PEBP4: variants seen among roughly 807,000 people sequenced by gnomAD.
PEBP4 encodes phosphatidylethanolamine-binding protein 4.
A neutral mutation model predicts 23.9 loss-of-function variants in PEBP4; 22 were observed. The observed-to-expected ratio is 0.92, with a 90% CI of 0.66 to 1.31. PEBP4 has a LOEUF of 1.31. Among genes scored for constraint, PEBP4 ranks in the 40% most tolerant of loss-of-function variants. The probability of loss-of-function intolerance (pLI) is 0.00; values close to 1 mark genes in which losing one functional copy is unlikely to be tolerated. For synonymous variants in PEBP4, 112 were observed against 99.3 expected (o/e 1.13, Z -0.76); for missense variants, 324 against 281.7 (o/e 1.15, Z -1.07).
intron 4 of PEBP4, among the ~76,000 whole-genome samples, chr8:22,781,865 C>T (rs1201200963): frequency 1.3e-5 from 2 of 152,236 alleles, no homozygotes; most frequent in Non-Finnish European, 2.9e-5. Context: ...GCCAACCAGG[C>T]ATCTTCTGCA....
intron 3 of PEBP4, among the ~76,000 whole-genome samples, chr8:22,868,597 A>G (rs932440996): frequency 3.9e-5 from 6 of 152,192 alleles, no homozygotes; most frequent in Non-Finnish European, 8.8e-5. Context: ...CAAACAGTGT[A>G]AACAAAACAT....
intron 3 of PEBP4, among the ~76,000 whole-genome samples, chr8:22,874,916 G>T (rs1808089550): frequency 6.6e-6 from 1 of 152,106 alleles, no homozygotes; most frequent in East Asian, 1.9e-4. Flanking sequence ...ATGATAATTT[G>T]GAATTTATTA....
chr8:22,784,006 T>C (rs985616155), intron 4 of PEBP4, among the ~76,000 whole-genome samples: 5 of 151,116 alleles, frequency 3.3e-5, no homozygotes, highest in Non-Finnish European at 5.9e-5. Context: ...TAGCAGGAGG[T>C]TGAACCCCAG....
intron 6 of PEBP4, among the ~76,000 whole-genome samples, chr8:22,721,039 A>G (rs1394814978): frequency 6.6e-6 from 1 of 152,100 alleles, no homozygotes; most frequent in Non-Finnish European, 1.5e-5. Context: ...GCAGGGTTTC[A>G]TCAGCTAGAA....
At chr8:22,868,009 G>C (rs900901891) in intron 3 of PEBP4, among the ~76,000 whole-genome samples, 1 of 152,158 alleles carries the variant, frequency 6.6e-6, no homozygotes, top group Non-Finnish European at 1.5e-5. Context: ...ATAGGATCTA[G>C]CCCAGCCCGG....
chr8:22,797,440 A>G (rs1806287560), intron 4 of PEBP4, among the ~76,000 whole-genome samples: 1 of 152,058 alleles, frequency 6.6e-6, no homozygotes, highest in Non-Finnish European at 1.5e-5. Context: ...GCTTGACTCC[A>G]AGTCAGTGAA....
chr8:22,881,779 T>C (rs1808263273), intron 3 of PEBP4, among the ~76,000 whole-genome samples: 1 of 152,190 alleles, frequency 6.6e-6, no homozygotes, highest in African/African-American at 2.4e-5. Context: ...CAATTAGGGA[T>C]GAAACTGTGG....
intron 4 of PEBP4, among the ~76,000 whole-genome samples, chr8:22,816,285 G>T (rs1267695198): frequency 6.6e-6 from 1 of 152,196 alleles, no homozygotes; most frequent in South Asian, 2.1e-4. Flanking sequence ...TCTCCCTTGA[G>T]GAAGCCCCTT....
chr8:22,934,236 A>G (rs1244354600), intron 1 of PEBP4, among the ~76,000 whole-genome samples: 3 of 152,240 alleles, frequency 2.0e-5, no homozygotes, highest in Non-Finnish European at 4.4e-5. Flanking sequence ...TTTAAAGACA[A>G]TGAATAAAAT....
At chr8:22,861,289 T>G (rs1191576711) in intron 3 of PEBP4, among the ~76,000 whole-genome samples, 2 of 152,202 alleles carry the variant, frequency 1.3e-5, no homozygotes, top group African/African-American at 2.4e-5. Flanking sequence ...CAGCTAATAA[T>G]AATAGCTCAG....
intron 4 of PEBP4, among the ~76,000 whole-genome samples, chr8:22,783,284 T>A (rs1805964345): frequency 6.6e-6 from 1 of 152,256 alleles, no homozygotes; most frequent in Non-Finnish European, 1.5e-5. Flanking sequence ...CATTCTGTGT[T>A]CCCTCTGGGG....
intron 3 of PEBP4, among the ~76,000 whole-genome samples, chr8:22,863,926 A>G (rs970074973): frequency 6.6e-6 from 1 of 152,160 alleles, no homozygotes; most frequent in Non-Finnish European, 1.5e-5. Flanking sequence ...ACACTTCTCC[A>G]TGATGTCTGG....
intron 3 of PEBP4, among the ~76,000 whole-genome samples, chr8:22,880,885 AAAG>A (rs1808239806): frequency 6.6e-6 from 1 of 152,164 alleles, no homozygotes; most frequent in Admixed American, 6.5e-5. Flanking sequence ...TGCAGTCCCC[AAAG>A]AAGGGGAAGC....
chr8:22,922,642 C>G (rs1427287746), intron 2 of PEBP4, among the ~76,000 whole-genome samples: 1 of 151,980 alleles, frequency 6.6e-6, no homozygotes, highest in East Asian at 2.0e-4. Context: ...GGGAGGATCA[C>G]TTGAGCCCAG....
chr8:22,747,146 A>G (rs1037703343), intron 4 of PEBP4, among the ~76,000 whole-genome samples: 8 of 152,240 alleles, frequency 5.3e-5, no homozygotes, highest in African/African-American at 1.9e-4. Flanking sequence ...TTAATTTTGT[A>G]CTTATTATGG....
intron 3 of PEBP4, among the ~76,000 whole-genome samples, chr8:22,896,572 C>A (rs1323435024): frequency 6.6e-6 from 1 of 152,168 alleles, no homozygotes. Flanking sequence ...ATCTGGAGAA[C>A]CACGTTACCT....
chr8:22,774,228 C>T (rs1316324542), intron 4 of PEBP4, among the ~76,000 whole-genome samples: 1 of 152,206 alleles, frequency 6.6e-6, no homozygotes, highest in Non-Finnish European at 1.5e-5. Context: ...TTTCCTTCCT[C>T]TTCTTTGTCT....
chr8:22,745,859 T>C (rs1425391753), intron 4 of PEBP4: 1 of 152,246 alleles, frequency 6.6e-6, no homozygotes, highest in African/African-American at 2.4e-5. Flanking sequence ...GGCAGGAAAC[T>C]GAGGCTCAGG....
Position 22,865,380 on chromosome 8 carries a change from T to TGGCGGC in PEBP4, c.259-47651_259-47646dup, listed in dbSNP as rs991649698. ...CGGGCGGTGACGGTGGCGGTGGCGG[T>TGGCGGC]GGCGGCGGCGGGACCCCGGGCCTGG... On this transcript the variant is annotated intron_variant, in intron 3 of 6. Coordinates refer to ENST00000256404, the MANE Select transcript of PEBP4 (RefSeq NM_144962.3). The surrounding 1 kb of genome is among the most constrained non-coding windows in gnomAD (Gnocchi z 6.9). Among the ~76,000 whole-genome samples, 1 of 101,356 alleles carries TGGCGGC rather than the reference T, an allele frequency of 9.9e-6. No individual in the cohort carries two copies. 66.5% of individuals were successfully genotyped at this position (101,356 alleles called of 152,430 possible). A position where few individuals can be genotyped will look rare whatever the true frequency, so the allele number is the denominator to read the frequency against.
Sources: gnomAD v4.1 joint callset for allele counts (sites outside exome capture counted in the v4.1 genomes callset) on GRCh38, gnomAD v4.1.1 for gene constraint, Gnocchi (gnomAD v3.1) non-coding constraint, MANE v1.5 for transcripts, NCBI Gene and HGNC (gene_info 2026-07-23, HGNC 2026-07-21) for gene names.